The following MITF variants were observed in gnomAD, a reference collection of about 807,000 sequenced individuals.
MITF encodes the protein microphthalmia-associated transcription factor.
MITF carries 17 observed loss-of-function variants against 60.5 expected under a neutral mutation model. The ratio of observed to expected loss-of-function variants is 0.28; its 90% confidence interval spans 0.19 to 0.42. The LOEUF is 0.42. MITF is among the 10% of genes least tolerant of loss of function. The pLI, the probability that MITF is intolerant of heterozygous loss-of-function variation, is 1.00. For synonymous variants in MITF, 260 were observed against 248.5 expected (o/e 1.05, Z -0.43); for missense variants, 622 against 683.5 (o/e 0.91, Z 1.00).
chr3:69,931,522 G>A (rs534867506), intron 2 of MITF, among the ~76,000 whole-genome samples: 1 of 152,134 alleles, frequency 6.6e-6, no homozygotes, highest in Non-Finnish European at 1.5e-5. Flanking sequence ...AAGACTTGCT[G>A]GGAATTTTTG....
chr3:69,808,010 C>A (rs954949893), intron 1 of MITF, among the ~76,000 whole-genome samples: 6 of 149,206 alleles, frequency 4.0e-5, no homozygotes, highest in Non-Finnish European at 8.9e-5. Context: ...AACAGGTCAG[C>A]CTGTTTTATA....
chr3:69,912,014 C>A (rs2065235038), intron 2 of MITF, among the ~76,000 whole-genome samples: 2 of 152,108 alleles, frequency 1.3e-5, no homozygotes, highest in African/African-American at 4.8e-5. Context: ...CCTAAATGCC[C>A]ATCAATAAGG....
intron 1 of MITF, among the ~76,000 whole-genome samples, chr3:69,754,591 A>G (rs1704058781): frequency 6.6e-6 from 1 of 151,294 alleles, no homozygotes; most frequent in Non-Finnish European, 1.5e-5. Context: ...TGCTTCCTGT[A>G]CAGCCTGCAG....
At chr3:69,912,911 T>C (rs557854293) in intron 2 of MITF, among the ~76,000 whole-genome samples, 38 of 152,298 alleles carry the variant, frequency 2.5e-4, no homozygotes, top group African/African-American at 7.0e-4. Context: ...TCTGCATTAC[T>C]TACCATAGTG....
chr3:69,781,543 A>C (rs1470080339), intron 1 of MITF, among the ~76,000 whole-genome samples: 1 of 152,168 alleles, frequency 6.6e-6, no homozygotes, highest in Non-Finnish European at 1.5e-5. Flanking sequence ...TCTCATGCCT[A>C]TGAAGTCATC....
At chr3:69,829,973 G>A (rs1276913114) in intron 1 of MITF, among the ~76,000 whole-genome samples, 1 of 152,136 alleles carries the variant, frequency 6.6e-6, no homozygotes, top group African/African-American at 2.4e-5. Flanking sequence ...TTCCTCTAGG[G>A]ATATCATTAA....
At chr3:69,901,036 T>C (rs1437197330) in intron 2 of MITF, among the ~76,000 whole-genome samples, 1 of 151,938 alleles carries the variant, frequency 6.6e-6, no homozygotes, top group Non-Finnish European at 1.5e-5. Context: ...GAGGATGGAA[T>C]GAGGTATGTG....
At chr3:69,912,990 C>T (rs2065256554) in intron 2 of MITF, among the ~76,000 whole-genome samples, 3 of 152,202 alleles carry the variant, frequency 2.0e-5, no homozygotes, top group Admixed American at 2.0e-4. Context: ...TAAAATGGAA[C>T]ATTTGGTGGC....
chr3:69,866,836 T>G (rs2064125537), intron 1 of MITF, among the ~76,000 whole-genome samples: 1 of 151,892 alleles, frequency 6.6e-6, no homozygotes, highest in African/African-American at 2.4e-5. Context: ...CCACCTTTTT[T>G]TTTTTTTTTT....
chr3:69,763,135 T>C (rs1446458921), intron 1 of MITF, among the ~76,000 whole-genome samples: 1 of 152,198 alleles, frequency 6.6e-6, no homozygotes, highest in African/African-American at 2.4e-5. Flanking sequence ...CAAGTCAAAA[T>C]ATATCACTTA....
At chr3:69,956,673 A>G (rs1206492796) in intron 8 of MITF, 143 bp downstream of exon 8, 28 of 721,768 alleles carry the variant, frequency 3.9e-5, no homozygotes, top group Non-Finnish European at 6.1e-5. Context: ...TTCTTCTTAC[A>G]CCTTTCTTTT....
chr3:69,874,409 T>C (rs531119585), intron 1 of MITF, among the ~76,000 whole-genome samples: 1 of 152,356 alleles, frequency 6.6e-6, no homozygotes, highest in Admixed American at 6.5e-5. Context: ...CATGGTTTAA[T>C]ATTATTATTT....
At chr3:69,899,315 T>C (rs535710898) in intron 2 of MITF, among the ~76,000 whole-genome samples, 14 of 152,120 alleles carry the variant, frequency 9.2e-5, no homozygotes, top group Non-Finnish European at 1.8e-4. Flanking sequence ...AATTGTGCAC[T>C]ACAAGGCTAA....
At chr3:69,796,184 T>G (rs1365662126) in intron 1 of MITF, among the ~76,000 whole-genome samples, 1 of 152,176 alleles carries the variant, frequency 6.6e-6, no homozygotes, top group Admixed American at 6.5e-5. Flanking sequence ...TTTCTTCATG[T>G]TGGCCAGGCT....
At chr3:69,917,516 A>G (rs2065362662) in intron 2 of MITF, among the ~76,000 whole-genome samples, 1 of 151,940 alleles carries the variant, frequency 6.6e-6, no homozygotes, top group South Asian at 2.1e-4. Context: ...GCTTGGGGAA[A>G]AGCATAGGGT....
At chr3:69,868,301 G>A (rs2064154822) in intron 1 of MITF, among the ~76,000 whole-genome samples, 1 of 152,266 alleles carries the variant, frequency 6.6e-6, no homozygotes, top group South Asian at 2.1e-4. Flanking sequence ...ACTGAGGCTT[G>A]GATAGGTGAA....
chr3:69,944,927 C>T (rs929953814), intron 5 of MITF, among the ~76,000 whole-genome samples: 9 of 152,020 alleles, frequency 5.9e-5, no homozygotes, highest in Non-Finnish European at 7.4e-5. Context: ...TAATGTTCTT[C>T]GTGTTAGGCA....
intron 2 of MITF, among the ~76,000 whole-genome samples, chr3:69,896,900 C>T (rs376133603): frequency 3.9e-5 from 6 of 152,128 alleles, no homozygotes; most frequent in East Asian, 3.9e-4. Context: ...AGGTGAGGGA[C>T]GTATCCCTGT....
chr3:69,952,791 T>A (rs1470823767), intron 7 of MITF, among the ~76,000 whole-genome samples: 1 of 152,180 alleles, frequency 6.6e-6, no homozygotes, highest in Admixed American at 6.5e-5. Context: ...TATCATATTG[T>A]CCATTTTATG....
Sources: gnomAD v4.1 joint callset for allele counts (sites outside exome capture counted in the v4.1 genomes callset) on GRCh38, gnomAD v4.1.1 for gene constraint, MANE v1.5 for transcripts, NCBI Gene and HGNC (gene_info 2026-07-23, HGNC 2026-07-21) for gene names.